UMODL1: variants seen among roughly 807,000 people sequenced by gnomAD.
The protein encoded by UMODL1 is uromodulin-like 1.
UMODL1 carries 128 observed loss-of-function variants against 136.3 expected under a neutral mutation model. The ratio of observed to expected loss-of-function variants is 0.94; its 90% CI spans 0.81 to 1.09. The LOEUF (loss-of-function observed/expected upper bound fraction) is 1.09. Ranked by LOEUF, UMODL1 falls within the 50% of genes least tolerant of loss-of-function variation. The pLI is 0.00. For missense variants in UMODL1, 1,766 were observed against 1,725.6 expected (o/e 1.02, Z -0.41); for synonymous variants, 721 against 720.0 (o/e 1.00, Z -0.02).
intron 6 of UMODL1, chr21:42,094,132 C>T (rs897148657): frequency 5.5e-6 from 2 of 364,796 alleles, no homozygotes; most frequent in African/African-American, 2.1e-5. Context: ...TTGCTTGGCA[C>T]AGTGAACTGC....
intron 21 of UMODL1, 132 bp from the exon 22 acceptor site, chr21:42,137,307 C>A: frequency 8.7e-7 from 1 of 1,145,500 alleles, no homozygotes; most frequent in Non-Finnish European, 1.3e-6. Context: ...CCCACAGGCA[C>A]ACGGGTGCAC....
intron 6 of UMODL1, among the ~76,000 whole-genome samples, chr21:42,098,472 A>C (rs1160546822): frequency 6.6e-6 from 1 of 151,878 alleles, no homozygotes; most frequent in Non-Finnish European, 1.5e-5. Context: ...TTATTGGAAA[A>C]AAAAACAGTG....
intron 21 of UMODL1, among the ~76,000 whole-genome samples, chr21:42,132,325 C>T (rs1247143697): frequency 6.6e-6 from 1 of 151,912 alleles, no homozygotes; most frequent in African/African-American, 2.4e-5. Context: ...ATCCATCCAT[C>T]CATGTATCCA....
intron 2 of UMODL1, among the ~76,000 whole-genome samples, chr21:42,078,820 G>A (rs1180080654): frequency 1.3e-5 from 2 of 152,256 alleles, no homozygotes; most frequent in East Asian, 1.9e-4. Context: ...GGCAGGACAA[G>A]CCTATGCCTT....
At position 42,099,171 on chromosome 21, in the gene UMODL1, A is replaced by G. The variant is rs2066596709; in HGVS notation, c.1177A>G (p.Ile393Val). Residue 393 changes from isoleucine (I) to valine (V), a missense_variant, in exon 7 of 23, where the codon ATC becomes GTC. Transcript: ENST00000408910. The surrounding 1 kb of genome is among the most constrained non-coding windows in gnomAD (Gnocchi z 4.1). ...GGCCGACGTCTCCACCACGCTGACC[A>G]TCAAAACCAGTAAGGCCCCCAGTCA... ...CGADVSTTLT[I>V]KTNAQVFEVT... 1.2e-6 allele frequency: 2 copies of G among 1,611,424 alleles called. No individual in the cohort carries two copies. Among genetic ancestry groups the G allele is most frequent in the South Asian group, 2.2e-5 (2 of 90,980 alleles).
chr21:42,095,382 A>ACCACG (rs1373642010), intron 6 of UMODL1, among the ~76,000 whole-genome samples: 1 of 152,016 alleles, frequency 6.6e-6, no homozygotes, highest in Non-Finnish European at 1.5e-5. Flanking sequence ...GATGTGAGCC[A>ACCACG]CCACGCCCAG....
At chr21:42,116,933 G>A (rs1016100896) in intron 14 of UMODL1, among the ~76,000 whole-genome samples, 4 of 152,206 alleles carry the variant, frequency 2.6e-5, no homozygotes, top group South Asian at 2.1e-4. Flanking sequence ...AAAATTAGCC[G>A]GATGTGGTGG....
At chr21:42,133,738 C>T (rs1040535303) in intron 21 of UMODL1, among the ~76,000 whole-genome samples, 5 of 152,188 alleles carry the variant, frequency 3.3e-5, no homozygotes, top group Admixed American at 2.0e-4. Flanking sequence ...TCTCTGCCCC[C>T]GTCTGCACAT....
rs1280102443 is a variant in UMODL1 at position 42,111,564 on chromosome 21, C to T, written c.1958C>T (p.Thr653Ile). The T allele has an allele frequency of 6.8e-6, 11 of 1,614,050 alleles. No homozygotes were observed. In the Admixed American group the frequency reaches 1.8e-4, roughly 27 times the overall value. ...TGGCCTTCCCCTACTGAGGACCCCA[C>T]CGGCCACTTCCTGTGGCATGCCACC... ...PSWPSPTEDP[T>I]GHFLWHATRS... The change falls in exon 12 of 23, where the codon ACC becomes ATC. Residue 653 changes from threonine (T) to isoleucine (I), a missense_variant. Physicochemically the swap from Thr to Ile is moderately conservative, Grantham distance 89 (BLOSUM62 -1). Transcript: ENST00000408910.
At position 42,123,789 on chromosome 21, in the gene UMODL1, G is replaced by A. The variant is rs1395952108; in HGVS notation, c.3147+639G>A. On this transcript the variant is annotated intron_variant, in intron 17 of 22. Coordinates refer to ENST00000408910, the MANE Select transcript of UMODL1 (RefSeq NM_001004416.3). This position sits in a 1 kb window ranked among gnomAD's most constrained non-coding sequence, Gnocchi z 4.4. ...TGTGGATGCGTTTGTCCATGTGTGA[G>A]TGTGTATGTATGGGTGTGTGTTTGG... Among the ~76,000 whole-genome samples, 2 of 151,960 alleles carry A rather than the reference G, an allele frequency of 1.3e-5. No individual in the cohort carries two copies. The highest frequency in any genetic ancestry group is 2.4e-5 in the African/African-American group (1 of 41,232).
chr21:42,099,215 C>T lies in UMODL1; in HGVS notation c.1186+35C>T, dbSNP rs199944019. 412 of 1,598,884 alleles carry T rather than the reference C, an allele frequency of 2.6e-4. 1 individual carries two copies. Among genetic ancestry groups the T allele is most frequent in the Non-Finnish European group, 2.8e-4 (330 of 1,170,864 alleles). ...CCAGTCAGAGACCCACGTTAGCTTG[C>T]GAGCTTGTCTTTCTATCCCAGGTCT... On this transcript the variant is annotated intron_variant, in intron 7 of 22. Transcript: ENST00000408910. This position sits in a 1 kb window ranked among gnomAD's most constrained non-coding sequence, Gnocchi z 4.1.
chr21:42,123,078 C>T lies in UMODL1; in HGVS notation c.3075C>T (p.Asn1025=), dbSNP rs141861682. Residue 1025 remains asparagine, a synonymous_variant, in exon 17 of 23, where the codon AAC becomes AAT. Coordinates refer to ENST00000408910, the MANE Select transcript of UMODL1 (RefSeq NM_001004416.3). The surrounding 1 kb of genome is among the most constrained non-coding windows in gnomAD (Gnocchi z 4.4). ...TGTACCTCAGCCACCCCTCCTGCAA[C>T]GTGAGCCACAGCAATGGCACACACG... The part of the protein sequence containing the change: ...SSLYLSHPSC[N]VSHSNGTHVL... 243 of 1,614,138 alleles carry T rather than the reference C, an allele frequency of 1.5e-4. 1 individual carries two copies. In the East Asian group the frequency reaches 2.9e-3, roughly 19 times the overall value.
chr21:42,063,766 G>A (rs568109696), intron 1 of UMODL1, among the ~76,000 whole-genome samples: 2 of 152,310 alleles, frequency 1.3e-5, no homozygotes, highest in Non-Finnish European at 2.9e-5. Context: ...GGCTTTGCCT[G>A]AATTAGAGGG....
intron 6 of UMODL1, among the ~76,000 whole-genome samples, chr21:42,094,200 C>G (rs979679670): frequency 6.6e-6 from 1 of 152,212 alleles, no homozygotes; most frequent in African/African-American, 2.4e-5. Flanking sequence ...AGAGGGGAGG[C>G]TGCGCGGCCC....
chr21:42,113,953 CT>C, intron 13 of UMODL1, 123 bp downstream of exon 13: 1 of 1,352,856 alleles, frequency 7.4e-7, no homozygotes, highest in Non-Finnish European at 9.9e-7. Flanking sequence ...TTCTTCTCAG[CT>C]TAGGGACATC....
rs781079954 is a variant in UMODL1, at chr21:42,108,295, C to T, written c.1520-1267C>T. ...ACCCGGAGCACCCCCAGGAGAGTTA[C>T]CTGTAGGCTGGAGGTTGAGTAGCAC... On this transcript the variant is annotated intron_variant, in intron 9 of 22. Transcript: ENST00000408910. 7 of 518,268 alleles carry T rather than the reference C, an allele frequency of 1.4e-5. No homozygotes were observed. The Admixed American group carries it at 1.4e-4, about 11-fold the overall frequency. 32.1% of individuals were successfully genotyped at this position (518,268 alleles called of 1,614,324 possible).
At chr21:42,120,619 C>A (rs1170057257) in intron 15 of UMODL1, 3 of 153,268 alleles carry the variant, frequency 2.0e-5, no homozygotes, top group Non-Finnish European at 4.4e-5. Flanking sequence ...TGCTAACTTG[C>A]CCCTGGCCAC....
chr21:42,063,732 C>G (rs1220522387), intron 1 of UMODL1, among the ~76,000 whole-genome samples: 1 of 152,204 alleles, frequency 6.6e-6, no homozygotes, highest in East Asian at 1.9e-4. Context: ...TGCTTGTCCC[C>G]CGGCTCCCCT....
chr21:42,075,185 A>G (rs948062794), intron 1 of UMODL1, among the ~76,000 whole-genome samples: 21 of 151,954 alleles, frequency 1.4e-4, no homozygotes, highest in Admixed American at 8.5e-4. Flanking sequence ...TACAGGCATG[A>G]GCCACCGCGC....
Sources: gnomAD v4.1 joint callset for allele counts (sites outside exome capture counted in the v4.1 genomes callset) on GRCh38, gnomAD v4.1.1 for gene constraint, Gnocchi (gnomAD v3.1) non-coding constraint, MANE v1.5 for transcripts, NCBI Gene and HGNC (gene_info 2026-07-23, HGNC 2026-07-21) for gene names.